The following COMMD1 variants were observed in gnomAD, a reference collection of about 807,000 sequenced individuals.
COMMD1 encodes the protein COMM domain-containing protein 1.
In COMMD1, 10 loss-of-function variants were observed where a neutral mutation model predicts 17.2. The observed-to-expected ratio is 0.58, with a 90% CI of 0.36 to 0.99. The LOEUF is 0.99. Among genes scored for constraint, COMMD1 ranks in the 50% least tolerant of loss-of-function variants. The probability of loss-of-function intolerance (pLI) is 0.01; values close to 1 mark genes in which losing one functional copy is unlikely to be tolerated. For synonymous variants in COMMD1, 97 were observed against 91.6 expected (o/e 1.06, Z -0.34); for missense variants, 270 against 231.8 (o/e 1.17, Z -1.07).
At chr2:61,900,036 A>G (rs1669626692) in intron 1 of COMMD1, among the ~76,000 whole-genome samples, 1 of 152,186 alleles carries the variant, frequency 6.6e-6, no homozygotes, top group Admixed American at 6.5e-5. Context: ...AGCTGGGAGT[A>G]CTCAGGAGTT....
chr2:61,942,110 G>GTTTA (rs1214272972), intron 1 of COMMD1, among the ~76,000 whole-genome samples: 1 of 152,110 alleles, frequency 6.6e-6, no homozygotes, highest in African/African-American at 2.4e-5. Context: ...CCTCGTGTTT[G>GTTTA]TTTATTTATT....
intron 1 of COMMD1, among the ~76,000 whole-genome samples, chr2:61,956,937 G>A (rs1326304006): frequency 6.6e-6 from 1 of 151,792 alleles, no homozygotes; most frequent in Non-Finnish European, 1.5e-5. Context: ...TTTTAGTAGA[G>A]ATGGGGTTTC....
At position 62,000,939 on chromosome 2, in the gene COMMD1, C is replaced by T. The variant is rs765844307; in HGVS notation, c.419C>T (p.Thr140Ile). 2 of 1,613,962 alleles carry T rather than the reference C, an allele frequency of 1.2e-6. No homozygotes were observed. Among genetic ancestry groups the T allele is most frequent in the South Asian group, 1.1e-5 (1 of 91,096 alleles). The change falls in exon 2 of 3, where the codon ACA becomes ATA. Residue 140 changes from threonine to isoleucine, a missense_variant. Coordinates refer to ENST00000311832, the MANE Select transcript of COMMD1 (RefSeq NM_152516.4). ...SQSRHSAQIH[T>I]PVAIIELELG... ...TCAAGGCACTCAGCTCAAATACACACACCTGTTGCCATTATAGAGCTGGAA... is the reference window on the plus strand; with the variant it reads ...TCAAGGCACTCAGCTCAAATACACATACCTGTTGCCATTATAGAGCTGGAA...
intron 1 of COMMD1, among the ~76,000 whole-genome samples, chr2:61,973,346 A>G (rs1671703044): frequency 1.3e-5 from 2 of 152,202 alleles, no homozygotes. Context: ...TTCATAGATA[A>G]TCTCCAAAAT....
intron 1 of COMMD1, among the ~76,000 whole-genome samples, chr2:61,924,812 A>G (rs1274198780): frequency 6.6e-6 from 1 of 152,116 alleles, no homozygotes; most frequent in Non-Finnish European, 1.5e-5. Context: ...GAGATCACGG[A>G]ATGGAGGAGC....
intron 2 of COMMD1, among the ~76,000 whole-genome samples, chr2:62,077,113 C>T (rs1573154078): frequency 6.6e-6 from 1 of 151,830 alleles, no homozygotes. Flanking sequence ...CCTGGGTGAC[C>T]GAGTGAGACC....
intron 1 of COMMD1, among the ~76,000 whole-genome samples, chr2:61,976,402 A>G (rs967143376): frequency 9.2e-5 from 14 of 152,182 alleles, no homozygotes; most frequent in African/African-American, 3.4e-4. Context: ...TCAGAGCAAG[A>G]AAAGTTATTA....
At chr2:62,071,459 C>T (rs927630160) in intron 2 of COMMD1, among the ~76,000 whole-genome samples, 2 of 152,080 alleles carry the variant, frequency 1.3e-5, no homozygotes, top group Admixed American at 6.6e-5. Context: ...TATTTCATCT[C>T]GTGACTAACA....
upstream of COMMD1, among the ~76,000 whole-genome samples, chr2:61,901,633 ATAATT>A (rs1311402095): frequency 6.6e-6 from 1 of 152,106 alleles, no homozygotes; most frequent in African/African-American, 2.4e-5. Context: ...CCCACAAAAA[ATAATT>A]TTATTTTAGG....
At chr2:61,894,677 A>T (rs189627185) in intron 1 of COMMD1, among the ~76,000 whole-genome samples, 79 of 150,434 alleles carry the variant, frequency 5.3e-4, no homozygotes, top group Non-Finnish European at 1.0e-3. Context: ...ATATATATAT[A>T]TTTATATATT....
intron 1 of COMMD1, among the ~76,000 whole-genome samples, chr2:61,954,821 A>T (rs755637824): frequency 1.8e-4 from 27 of 152,126 alleles, no homozygotes; most frequent in Admixed American, 4.6e-4. Flanking sequence ...AGCTGGGATT[A>T]CAAGGGTGGG....
intron 2 of COMMD1, among the ~76,000 whole-genome samples, chr2:62,075,633 A>G (rs965883563): frequency 1.3e-5 from 2 of 152,216 alleles, no homozygotes; most frequent in Non-Finnish European, 2.9e-5. Context: ...CCAAGGCTTC[A>G]TAATTCATGA....
intron 2 of COMMD1, among the ~76,000 whole-genome samples, chr2:62,028,306 G>A (rs1669822225): frequency 6.6e-6 from 1 of 152,184 alleles, no homozygotes; most frequent in African/African-American, 2.4e-5. Flanking sequence ...TCTGAGAGAA[G>A]ATAGATGATA....
Position 61,961,114 on chromosome 2 carries a change from T to C in COMMD1, c.181-39587T>C, listed in dbSNP as rs1671331991. ...CACCAAATTGTTGGAAATGAAGTTTTTGGTGTTGCCTAAAAAAGGAATTAA... is the reference window on the plus strand; with the variant it reads ...CACCAAATTGTTGGAAATGAAGTTTCTGGTGTTGCCTAAAAAAGGAATTAA... On this transcript the variant is annotated intron_variant, in intron 1 of 2. Transcript: ENST00000311832. Among the ~76,000 whole-genome samples, 10 of 152,326 alleles carry C rather than the reference T, an allele frequency of 6.6e-5. No individual in the cohort carries two copies. The South Asian group carries it at 2.1e-3, about 32-fold the overall frequency.
intron 2 of COMMD1, among the ~76,000 whole-genome samples, chr2:62,030,136 G>A (rs1355368930): frequency 2.6e-5 from 4 of 152,306 alleles, no homozygotes; most frequent in South Asian, 2.1e-4. Context: ...CATGCATTTC[G>A]TCCTTCTGGG....
At chr2:61,903,603 A>G (rs1306854519), upstream of COMMD1, among the ~76,000 whole-genome samples, 1 of 151,000 alleles carries the variant, frequency 6.6e-6, no homozygotes, top group African/African-American at 2.4e-5. Context: ...CCAAGGCTAG[A>G]GTGCAGTGGC....
At chr2:61,969,004 A>T (rs528859104) in intron 1 of COMMD1, 1 of 439,586 alleles carries the variant, frequency 2.3e-6, no homozygotes, top group Non-Finnish European at 4.6e-6. Flanking sequence ...ATAGAGTGCA[A>T]TGGGTATTCA....
intron 1 of COMMD1, among the ~76,000 whole-genome samples, chr2:61,989,379 C>A (rs1361761152): frequency 6.6e-6 from 1 of 152,036 alleles, no homozygotes; most frequent in Non-Finnish European, 1.5e-5. Flanking sequence ...TAGTATCATG[C>A]AGATTGGTTT....
At chr2:62,056,134 T>C (rs1309992656) in intron 2 of COMMD1, among the ~76,000 whole-genome samples, 1 of 152,198 alleles carries the variant, frequency 6.6e-6, no homozygotes, top group African/African-American at 2.4e-5. Context: ...ACTACTTGGG[T>C]CAAAGAGTTT....
Sources: allele counts gnomAD v4.1 joint callset (sites outside exome capture counted in the v4.1 genomes callset), GRCh38; gene constraint gnomAD v4.1.1; transcripts MANE v1.5; gene names NCBI Gene and HGNC (gene_info 2026-07-23, HGNC 2026-07-21).